The following COX10 variants were observed in gnomAD, a reference collection of about 807,000 sequenced individuals.
The protein encoded by COX10 is protoheme IX farnesyltransferase, mitochondrial.
COX10 carries 27 observed loss-of-function variants against 37.3 expected under a neutral mutation model. The observed-to-expected ratio is 0.72, with a 90% CI of 0.53 to 1.00. The LOEUF (loss-of-function observed/expected upper bound fraction) is 1.00. COX10 is among the 50% of genes least tolerant of loss of function. COX10 has a pLI of 0.00. For synonymous variants in COX10, 222 were observed against 229.1 expected, an observed-to-expected ratio of 0.97 and a Z score of 0.28; for missense variants, 475 against 563.2, an observed-to-expected ratio of 0.84 and a Z score of 1.59.
At chr17:14,146,511 G>A (rs933027093) in intron 4 of COX10, among the ~76,000 whole-genome samples, 1 of 152,106 alleles carries the variant, frequency 6.6e-6, no homozygotes, top group African/African-American at 2.4e-5. Context: ...ATGGATTAAA[G>A]ACTTAAATCT....
At chr17:14,170,002 C>G (rs1430285786) in intron 5 of COX10, among the ~76,000 whole-genome samples, 1 of 152,148 alleles carries the variant, frequency 6.6e-6, no homozygotes, top group African/African-American at 2.4e-5. Flanking sequence ...TGTCTTAAAG[C>G]AGGATGGCCT....
intron 4 of COX10, among the ~76,000 whole-genome samples, chr17:14,138,635 C>A (rs1904449954): frequency 6.6e-6 from 1 of 152,106 alleles, no homozygotes; most frequent in African/African-American, 2.4e-5. Flanking sequence ...TGGTGGGCCA[C>A]ATTTTGGACG....
At chr17:14,143,805 T>G (rs2142227794) in intron 4 of COX10, among the ~76,000 whole-genome samples, 1 of 152,308 alleles carries the variant, frequency 6.6e-6, no homozygotes. Context: ...TTCTCCCTAT[T>G]GCCCCTGGTT....
intron 5 of COX10, among the ~76,000 whole-genome samples, chr17:14,164,564 G>A (rs964922219): frequency 6.6e-6 from 1 of 151,960 alleles, no homozygotes; most frequent in Non-Finnish European, 1.5e-5. Flanking sequence ...GATCTTTTGG[G>A]ATTTTAGACT....
chr17:14,070,989 A>G (rs1915008865), intron 1 of COX10, among the ~76,000 whole-genome samples: 1 of 152,180 alleles, frequency 6.6e-6, no homozygotes, highest in African/African-American at 2.4e-5. Context: ...GCTTTTACAC[A>G]TGGCTGTGAT....
At chr17:14,198,572 A>G (rs1412445219) in intron 6 of COX10, among the ~76,000 whole-genome samples, 2 of 152,234 alleles carry the variant, frequency 1.3e-5, no homozygotes, top group Admixed American at 6.5e-5. Context: ...ACATTTAGTT[A>G]CAAATGAGGA....
At chr17:14,129,923 A>G (rs777784835) in intron 4 of COX10, among the ~76,000 whole-genome samples, 1 of 152,190 alleles carries the variant, frequency 6.6e-6, no homozygotes, top group Non-Finnish European at 1.5e-5. Context: ...CTCTACGGTC[A>G]CAATACTAAG....
At chr17:14,199,665 G>T (rs900056743) in intron 6 of COX10, among the ~76,000 whole-genome samples, 1 of 152,150 alleles carries the variant, frequency 6.6e-6, no homozygotes, top group African/African-American at 2.4e-5. Flanking sequence ...AGCAGTTATT[G>T]CCCACTCTAT....
chr17:14,073,692 C>A (rs1263524110), intron 1 of COX10, among the ~76,000 whole-genome samples: 1 of 152,130 alleles, frequency 6.6e-6, no homozygotes, highest in Non-Finnish European at 1.5e-5. Context: ...GTCATGGAAG[C>A]CTTCGGGAGA....
At chr17:14,097,128 G>A (rs190269410) in intron 3 of COX10, among the ~76,000 whole-genome samples, 5 of 152,182 alleles carry the variant, frequency 3.3e-5, no homozygotes, top group Non-Finnish European at 5.9e-5. Context: ...ATGAGATTTT[G>A]CTGTTACAAA....
chr17:14,189,501 T>C lies in COX10; in HGVS notation c.696-2488T>C, dbSNP rs560272376. 2.9e-3 allele frequency among the ~76,000 whole-genome samples: 447 copies of C among 152,330 alleles called. 6 individuals carry two copies. The highest frequency in any genetic ancestry group is 9.9e-3 in the African/African-American group (412 of 41,572). Reference sequence around the variant, plus strand: ...TGATTTCACTATTCTTCCATCCAAGTGTTAGCATAAATTTGATATTTGTTC... The same window carrying C: ...TGATTTCACTATTCTTCCATCCAAGCGTTAGCATAAATTTGATATTTGTTC... On this transcript the variant is annotated intron_variant, in intron 5 of 6. Transcript: ENST00000261643.
intron 5 of COX10, among the ~76,000 whole-genome samples, chr17:14,172,055 A>G (rs1905486660): frequency 6.6e-6 from 1 of 152,130 alleles, no homozygotes; most frequent in African/African-American, 2.4e-5. Context: ...TGCGTGGGTT[A>G]TTACAGCACA....
chr17:14,123,331 C>T lies in COX10; in HGVS notation c.624+21089C>T, dbSNP rs74581987. 8.5e-3 allele frequency among the ~76,000 whole-genome samples: 1,296 copies of T among 152,278 alleles called. 53 individuals carry two copies. The East Asian group carries it at 0.09, about 11-fold the overall frequency. ...GAATTTTAAGTTGCGTATTCACAAT[C>T]TATCATAGTGAATCTGAAGTCCAAA... On this transcript the variant is annotated intron_variant, in intron 4 of 6. Coordinates refer to ENST00000261643, the MANE Select transcript of COX10 (RefSeq NM_001303.4).
intron 4 of COX10, among the ~76,000 whole-genome samples, chr17:14,107,690 C>T (rs1203263139): frequency 6.6e-6 from 1 of 152,048 alleles, no homozygotes; most frequent in Non-Finnish European, 1.5e-5. Flanking sequence ...CACACACACA[C>T]ACACCACACA....
At chr17:14,128,480 A>G (rs981469240) in intron 4 of COX10, among the ~76,000 whole-genome samples, 1 of 152,218 alleles carries the variant, frequency 6.6e-6, no homozygotes, top group Non-Finnish European at 1.5e-5. Context: ...ATTTCCAGAC[A>G]GAAAGTAACT....
At chr17:14,155,738 A>T (rs1488370383) in intron 4 of COX10, among the ~76,000 whole-genome samples, 5 of 149,126 alleles carry the variant, frequency 3.4e-5, no homozygotes, top group Non-Finnish European at 7.5e-5. Flanking sequence ...AAAAAAAAGA[A>T]AACAAAAGAT....
chr17:14,187,800 G>C (rs1472915412), intron 5 of COX10, among the ~76,000 whole-genome samples: 4 of 152,228 alleles, frequency 2.6e-5, no homozygotes, highest in African/African-American at 9.6e-5. Flanking sequence ...TCCTTCAGGT[G>C]CCTGGATGCT....
intron 5 of COX10, among the ~76,000 whole-genome samples, chr17:14,190,483 A>G (rs1906167611): frequency 2.0e-5 from 3 of 152,170 alleles, no homozygotes; most frequent in Non-Finnish European, 4.4e-5. Flanking sequence ...GCTGTAATTT[A>G]TGGTTCTTCT....
chr17:14,102,174 TG>T lies in COX10; in HGVS notation c.558del (p.Trp186CysfsTer33). ...TGCATTGGCTCCGGGCCCTTTTGACTGGCCCTGTTTCCTGCTTACTTCTGTT... is the reference window on the plus strand; with the variant it reads ...TGCATTGGCTCCGGGCCCTTTTGACTGCCCTGTTTCCTGCTTACTTCTGTT... ...GFALAPGPFD[W>X]PCFLLTSVGT... On this transcript the variant is annotated frameshift_variant, in exon 4 of 7. Transcript: ENST00000261643. LOFTEE classifies it high-confidence loss of function. 6.2e-7 allele frequency: 1 copy of T among 1,613,798 alleles called. No homozygotes were observed. Among genetic ancestry groups the T allele is most frequent in the Non-Finnish European group, 8.5e-7 (1 of 1,179,790 alleles).
Sources: allele counts gnomAD v4.1 joint callset (sites outside exome capture counted in the v4.1 genomes callset), GRCh38; gene constraint gnomAD v4.1.1; transcripts MANE v1.5; gene names NCBI Gene and HGNC (gene_info 2026-07-23, HGNC 2026-07-21).